Variants in LRRC75A observed in about 807,000 individuals in gnomAD.
LRRC75A encodes the protein leucine rich repeat containing 75A, also known as leucine-rich repeat-containing protein 75A.
Under a neutral mutation model 26.0 loss-of-function variants are expected in LRRC75A, and 12 were observed. The ratio of observed to expected loss-of-function variants is 0.46; its 90% CI spans 0.30 to 0.75. The LOEUF (loss-of-function observed/expected upper bound fraction) is 0.75, where lower values mean the gene tolerates loss of function less well. Ranked by LOEUF, LRRC75A falls within the 30% of genes least tolerant of loss-of-function variation. The pLI is 0.08. For synonymous variants in LRRC75A, 223 were observed against 219.3 expected (o/e 1.02, Z -0.15); for missense variants, 410 against 486.6 (o/e 0.84, Z 1.48).
intron 2 of LRRC75A, among the ~76,000 whole-genome samples, chr17:16,456,716 C>T (rs1004154305): frequency 6.6e-6 from 1 of 152,188 alleles, no homozygotes; most frequent in Non-Finnish European, 1.5e-5. Flanking sequence ...GTTCTAGCAC[C>T]TTGGTCTAAC....
At chr17:16,470,391 A>G (rs1254088867) in intron 1 of LRRC75A, 1 of 152,216 alleles carries the variant, frequency 6.6e-6, no homozygotes, top group African/African-American at 2.4e-5. Flanking sequence ...AGATGCTTCA[A>G]TATCGAAACC....
At chr17:16,460,348 T>C (rs1350648242) in intron 2 of LRRC75A, among the ~76,000 whole-genome samples, 1 of 152,150 alleles carries the variant, frequency 6.6e-6, no homozygotes, top group African/African-American at 2.4e-5. Flanking sequence ...TCTACCCAGA[T>C]GGAAAGGGAA....
chr17:16,451,634 A>G (rs958821853), intron 2 of LRRC75A, among the ~76,000 whole-genome samples: 3 of 30,786 alleles, frequency 9.7e-5, no homozygotes, highest in Admixed American at 2.7e-4. Context: ...AAAAAAAAAT[A>G]ATAATAATAA....
chr17:16,462,473 T>G lies in LRRC75A; in HGVS notation c.247-87A>C, dbSNP rs1225357774. 2 of 1,552,036 alleles carry G rather than the reference T, an allele frequency of 1.3e-6. No homozygotes were observed. The highest frequency in any genetic ancestry group is 2.7e-5 in the African/African-American group (2 of 73,434). ...CCCAAGAGAAGTAGGCACAGACCCC[T>G]AGAGGCGACTCTGCCTCCCAGAGCC... is the stretch of plus-strand genomic sequence containing the variant. On this transcript the variant is annotated intron_variant, in intron 1 of 3. Transcript: ENST00000470794. This position sits in a 1 kb window ranked among gnomAD's most constrained non-coding sequence, Gnocchi z 4.6.
rs906403756 is a variant in LRRC75A, at chr17:16,467,657, A to G, written c.247-5271T>C. 4.6e-5 allele frequency among the ~76,000 whole-genome samples: 7 copies of G among 152,190 alleles called. No individual in the cohort carries two copies. In the South Asian group the frequency reaches 1.4e-3, roughly 31 times the overall value. ...CAGACTTGGCTACCCTCTGACTTTC[A>G]GTCCTGCAGATGAGAATGAGGCTAT... On this transcript the variant is annotated intron_variant, in intron 1 of 3. Coordinates refer to ENST00000470794, the MANE Select transcript of LRRC75A (RefSeq NM_001113567.3).
intron 1 of LRRC75A, among the ~76,000 whole-genome samples, chr17:16,485,667 T>TC (rs1555893679): frequency 2.5e-5 from 3 of 121,476 alleles, no homozygotes; most frequent in Non-Finnish European, 3.4e-5. Context: ...TGTGTGTGTG[T>TC]GTTCGTGTGT....
intron 2 of LRRC75A, among the ~76,000 whole-genome samples, chr17:16,452,656 G>C (rs979068248): frequency 1.6e-4 from 24 of 151,904 alleles, no homozygotes; most frequent in African/African-American, 5.3e-4. Context: ...GCCTGGTCTC[G>C]AACTCCTGAC....
chr17:16,456,264 AGAGGAGGAG>A (rs745916278), intron 2 of LRRC75A, among the ~76,000 whole-genome samples: 3 of 86,172 alleles, frequency 3.5e-5, no homozygotes, highest in African/African-American at 1.4e-4. Flanking sequence ...AGGATCAGGA[AGAGGAGGAG>A]GAGGAAGAGG....
chr17:16,467,940 C>G (rs1447959278), intron 1 of LRRC75A, among the ~76,000 whole-genome samples: 4 of 152,210 alleles, frequency 2.6e-5, no homozygotes, highest in African/African-American at 9.7e-5. Flanking sequence ...ACTCCAACAT[C>G]CCCCACTTTC....
chr17:16,481,135 A>G (rs1035995431), intron 1 of LRRC75A, among the ~76,000 whole-genome samples: 2 of 152,218 alleles, frequency 1.3e-5, no homozygotes, highest in African/African-American at 4.8e-5. Flanking sequence ...TGGCCTTCTA[A>G]GGACATTAGA....
chr17:16,485,660 G>T lies in LRRC75A; in HGVS notation c.246+6085C>A, dbSNP rs548345843. Among the ~76,000 whole-genome samples, 5 of 130,752 alleles carry T rather than the reference G, an allele frequency of 3.8e-5. No individual in the cohort carries two copies. In the South Asian group the frequency reaches 1.2e-3, roughly 30 times the overall value. 85.8% of individuals were successfully genotyped at this position (130,752 alleles called of 152,430 possible). On this transcript the variant is annotated intron_variant, in intron 1 of 3. Coordinates refer to ENST00000470794, the MANE Select transcript of LRRC75A (RefSeq NM_001113567.3). ...TGTGTGTGTGTGTGTGTGTGTGTGT[G>T]TGTGTGTGTTCGTGTGTGTGTGTGT...
At chr17:16,478,406 G>A (rs2093826122) in intron 1 of LRRC75A, 1 of 152,056 alleles carries the variant, frequency 6.6e-6, no homozygotes, top group Non-Finnish European at 1.5e-5. Flanking sequence ...GGCTGAACTT[G>A]AACTCCTGAC....
chr17:16,455,239 T>C (rs772398780), intron 2 of LRRC75A, among the ~76,000 whole-genome samples: 3 of 151,998 alleles, frequency 2.0e-5, no homozygotes, highest in Non-Finnish European at 4.4e-5. Flanking sequence ...CACCTGAGCG[T>C]CTTCATTTCT....
At position 16,491,983 on chromosome 17, in the gene LRRC75A, G is replaced by A; in HGVS notation, c.8C>T (p.Thr3Ile). MG[T>I]RQTKGSLAER... is the part of the protein sequence containing the mutation. Reference sequence around the variant, plus strand: ...CGCCAGGCTGCCCTTGGTCTGCCGGGTGCCCATGCCGCCGCCGCCCGCCGG... The same window carrying A: ...CGCCAGGCTGCCCTTGGTCTGCCGGATGCCCATGCCGCCGCCGCCCGCCGG... Residue 3 changes from threonine (T) to isoleucine (I), a missense_variant, in exon 1 of 4, where the codon ACC (threonine) becomes ATC (isoleucine). Physicochemically the swap from Thr to Ile is moderately conservative, Grantham distance 89. Coordinates refer to ENST00000470794, the MANE Select transcript of LRRC75A (RefSeq NM_001113567.3). This position sits in a 1 kb window ranked among gnomAD's most constrained non-coding sequence, Gnocchi z 5.9. 8.5e-6 allele frequency: 10 copies of A among 1,183,348 alleles called. No homozygotes were observed. Among genetic ancestry groups the A allele is most frequent in the Non-Finnish European group, 1.0e-5 (10 of 960,000 alleles). 73.3% of individuals were successfully genotyped at this position (1,183,348 alleles called of 1,614,324 possible).
intron 1 of LRRC75A, among the ~76,000 whole-genome samples, chr17:16,473,880 T>C (rs1188549033): frequency 6.6e-6 from 1 of 152,210 alleles, no homozygotes; most frequent in Non-Finnish European, 1.5e-5. Context: ...GCAGCGATGT[T>C]TGGCAGCTTT....
chr17:16,445,857 T>C (rs149815908), intron 3 of LRRC75A, among the ~76,000 whole-genome samples: 59 of 152,318 alleles, frequency 3.9e-4, no homozygotes, highest in African/African-American at 1.3e-3. Context: ...CACTTACCAG[T>C]TGGGTGATCC....
At chr17:16,464,959 T>C (rs2143211844) in intron 1 of LRRC75A, among the ~76,000 whole-genome samples, 1 of 152,198 alleles carries the variant, frequency 6.6e-6, no homozygotes, top group East Asian at 1.9e-4. Flanking sequence ...AGCCAGTCCC[T>C]GCCTACAGCT....
At chr17:16,476,416 T>C (rs2143377580) in intron 1 of LRRC75A, among the ~76,000 whole-genome samples, 1 of 152,100 alleles carries the variant, frequency 6.6e-6, no homozygotes, top group South Asian at 2.1e-4. Flanking sequence ...TTGCTTTGTT[T>C]GCCTAGGCTG....
At chr17:16,466,286 G>A (rs1369651084) in intron 1 of LRRC75A, among the ~76,000 whole-genome samples, 6 of 152,222 alleles carry the variant, frequency 3.9e-5, no homozygotes, top group Admixed American at 3.9e-4. Flanking sequence ...CTGGGCCACA[G>A]CCCTGGGAAT....
Sources: allele counts gnomAD v4.1 joint callset (sites outside exome capture counted in the v4.1 genomes callset), GRCh38; gene constraint gnomAD v4.1.1; non-coding constraint Gnocchi (gnomAD v3.1); transcripts MANE v1.5; gene names NCBI Gene and HGNC (gene_info 2026-07-23, HGNC 2026-07-21).